The following CLNK variants were observed in gnomAD, a reference collection of about 807,000 sequenced individuals.
The protein encoded by CLNK is cytokine dependent hematopoietic cell linker, also known as cytokine-dependent hematopoietic cell linker.
A neutral mutation model predicts 68.6 loss-of-function variants in CLNK; 74 were observed. The ratio of observed to expected loss-of-function variants is 1.08; its 90% confidence interval spans 0.89 to 1.31. The LOEUF is 1.31. CLNK is among the 50% of genes most tolerant of loss of function. The pLI, the probability that CLNK is intolerant of heterozygous loss-of-function variation, is 0.00. For missense variants in CLNK, 553 were observed against 515.3 expected, an observed-to-expected ratio of 1.07 and a Z score of -0.71; for synonymous variants, 198 against 172.2, an observed-to-expected ratio of 1.15 and a Z score of -1.17.
chr4:10,609,483 C>T (rs1267693469), intron 2 of CLNK, among the ~76,000 whole-genome samples: 1 of 152,208 alleles, frequency 6.6e-6, no homozygotes, highest in African/African-American at 2.4e-5. Flanking sequence ...TGACTGCCAC[C>T]TGCACAGTCA....
At chr4:10,576,330 T>A (rs1028198589) in intron 4 of CLNK, among the ~76,000 whole-genome samples, 1 of 152,212 alleles carries the variant, frequency 6.6e-6, no homozygotes, top group African/African-American at 2.4e-5. Flanking sequence ...ATAGATTTCA[T>A]ATCTGCATCC....
intron 8 of CLNK, among the ~76,000 whole-genome samples, chr4:10,543,384 AC>A (rs1719111635): frequency 6.6e-6 from 1 of 152,130 alleles, no homozygotes; most frequent in African/African-American, 2.4e-5. Context: ...GGAGACTTAA[AC>A]CTCCACTGAA....
chr4:10,733,182 G>A, the CLNK span, among the ~76,000 whole-genome samples: 1 of 152,046 alleles, frequency 6.6e-6, no homozygotes, highest in African/African-American at 2.4e-5. Flanking sequence ...TCTTGGGGGT[G>A]CCTCTGCCAG....
chr4:10,667,372 A>AT (rs1230962572), intron 2 of CLNK, among the ~76,000 whole-genome samples: 4 of 52,032 alleles, frequency 7.7e-5, no homozygotes, highest in African/African-American at 1.6e-4. Flanking sequence ...GAGTCCTGCT[A>AT]ATTTTTTTTT....
rs1419201349 is a variant in CLNK at position 10,487,367 on chromosome 4, C to G, written c.*3100G>C. 6.6e-6 allele frequency: 1 copy of G among 152,216 alleles called. No individual in the cohort carries two copies. The highest frequency in any genetic ancestry group is 6.5e-5 in the Admixed American group (1 of 15,284). The allele number at this position is 152,216 out of a possible 1,614,324, so 9.4% of individuals were successfully genotyped here. On this transcript the variant is annotated 3_prime_UTR_variant, in exon 19 of 19. Coordinates refer to ENST00000226951, the MANE Select transcript of CLNK (RefSeq NM_052964.4). ...AAAATGCATTAGAAATAGCTGCCCTCTCTTCTTTACAGAAGTGTTGTAAGA... is the reference window on the plus strand; with the variant it reads ...AAAATGCATTAGAAATAGCTGCCCTGTCTTCTTTACAGAAGTGTTGTAAGA...
chr4:10,585,871 G>A (rs144121152), intron 3 of CLNK, among the ~76,000 whole-genome samples: 1 of 152,272 alleles, frequency 6.6e-6, no homozygotes, highest in Non-Finnish European at 1.5e-5. Flanking sequence ...ACAAAGTATT[G>A]ATTATCTACC....
chr4:10,727,129 G>C, the CLNK span, among the ~76,000 whole-genome samples: 1 of 152,276 alleles, frequency 6.6e-6, no homozygotes, highest in Admixed American at 6.5e-5. Context: ...TTCTCAAACC[G>C]TAAAAGTATT....
chr4:10,690,753 G>C, the CLNK span, among the ~76,000 whole-genome samples: 21 of 152,110 alleles, frequency 1.4e-4, no homozygotes, highest in African/African-American at 1.9e-4. Flanking sequence ...GAGTCACCAA[G>C]TTCTCACAAC....
chr4:10,579,677 A>G (rs1577143414), intron 4 of CLNK, among the ~76,000 whole-genome samples: 1 of 152,220 alleles, frequency 6.6e-6, no homozygotes, highest in East Asian at 1.9e-4. Context: ...CCAGCTAGCA[A>G]ACTTTGATAT....
At chr4:10,520,394 G>A (rs1718008891) in intron 15 of CLNK, among the ~76,000 whole-genome samples, 1 of 152,178 alleles carries the variant, frequency 6.6e-6, no homozygotes, top group South Asian at 2.1e-4. Context: ...CTGTTGGAGA[G>A]GATGGGGAAC....
intron 12 of CLNK, among the ~76,000 whole-genome samples, chr4:10,528,935 T>G (rs750147728): frequency 6.6e-6 from 1 of 152,212 alleles, no homozygotes; most frequent in Admixed American, 6.5e-5. Flanking sequence ...GGTGGTAGAA[T>G]TCTTGATCAT....
In CLNK at chr4:10,513,125, T is replaced by C. The variant is rs1246858581; in HGVS notation, c.906+339A>G. Among the ~76,000 whole-genome samples the C allele has an allele frequency of 2.6e-5, 4 of 152,224 alleles. No individual in the cohort carries two copies. In the South Asian group the frequency reaches 8.3e-4, roughly 32 times the overall value. ...TTTGCTGGAAAAAAATTGCAACCTG[T>C]ATATCCTAGTTAACCCCCCACAAGA... On this transcript the variant is annotated intron_variant, in intron 16 of 18. Transcript: ENST00000226951.
At chr4:10,506,635 C>T (rs1717305080) in intron 17 of CLNK, among the ~76,000 whole-genome samples, 1 of 152,118 alleles carries the variant, frequency 6.6e-6, no homozygotes, top group Admixed American at 6.5e-5. Context: ...TCTATTGTGA[C>T]CTCTATAGTC....
intron 11 of CLNK, among the ~76,000 whole-genome samples, chr4:10,532,892 CT>C (rs949175638): frequency 1.3e-5 from 2 of 152,294 alleles, no homozygotes; most frequent in African/African-American, 2.4e-5. Context: ...CTAAACCTCA[CT>C]TTTTTTCATC....
At chr4:10,581,272 G>C (rs932976155) in intron 4 of CLNK, among the ~76,000 whole-genome samples, 1 of 151,980 alleles carries the variant, frequency 6.6e-6, no homozygotes, top group Non-Finnish European at 1.5e-5. Context: ...GTATTTTTCA[G>C]AATACGTCCC....
the CLNK span, among the ~76,000 whole-genome samples, chr4:10,720,145 C>T: frequency 2.6e-5 from 4 of 151,636 alleles, no homozygotes; most frequent in East Asian, 3.9e-4. Context: ...CTTCAAGAAC[C>T]TAGAAAAAAA....
At position 10,565,572 on chromosome 4, in the gene CLNK, G is replaced by A. The variant is rs1437392487; in HGVS notation, c.292+437C>T. On this transcript the variant is annotated intron_variant, in intron 6 of 18. Transcript: ENST00000226951. ...GCTGGCTGCACAATGAATTAACCAA[G>A]TTAAAAAGTCTTTTTTTTTTCATTC... Among the ~76,000 whole-genome samples, 15 of 148,832 alleles carry A rather than the reference G, an allele frequency of 1.0e-4. No homozygotes were observed. In the Admixed American group the frequency reaches 1.0e-3, roughly 10 times the overall value.
chr4:10,719,210 C>T, the CLNK span, among the ~76,000 whole-genome samples: 1 of 151,980 alleles, frequency 6.6e-6, no homozygotes, highest in East Asian at 1.9e-4. Flanking sequence ...AGTAGTCATA[C>T]TAAGTGTAAA....
At chr4:10,515,265 C>T (rs1560196737) in intron 15 of CLNK, among the ~76,000 whole-genome samples, 2 of 151,966 alleles carry the variant, frequency 1.3e-5, no homozygotes, top group Non-Finnish European at 2.9e-5. Context: ...ATATGATTTC[C>T]TTTCCACCTA....
Sources: gnomAD v4.1 joint callset for allele counts (sites outside exome capture counted in the v4.1 genomes callset) on GRCh38, gnomAD v4.1.1 for gene constraint, MANE v1.5 for transcripts, NCBI Gene and HGNC (gene_info 2026-07-23, HGNC 2026-07-21) for gene names.